The following TIA1 variants were observed in gnomAD, a reference collection of about 807,000 sequenced individuals.
TIA1 encodes the protein cytotoxic granule associated RNA binding protein TIA1.
In TIA1, 23 loss-of-function variants were observed where a neutral mutation model predicts 65.9. The ratio of observed to expected loss-of-function variants is 0.35; its 90% CI spans 0.25 to 0.49. TIA1 has a LOEUF of 0.49. TIA1 is among the 20% of genes least tolerant of loss of function. The pLI, the probability that TIA1 is intolerant of heterozygous loss-of-function variation, is 0.98. For synonymous variants in TIA1, 147 were observed against 149.4 expected (o/e 0.98, Z 0.12); for missense variants, 371 against 477.9 (o/e 0.78, Z 2.09).
At chr2:70,225,201 A>ACT in intron 6 of TIA1, 1 of 1,067,714 alleles carries the variant, frequency 9.4e-7, no homozygotes, top group South Asian at 2.5e-5. Flanking sequence ...AGACACACAC[A>ACT]AGTTTTAAGC....
At chr2:70,236,391 G>A (rs1446801799) in intron 1 of TIA1, among the ~76,000 whole-genome samples, 2 of 151,942 alleles carry the variant, frequency 1.3e-5, no homozygotes, top group Non-Finnish European at 2.9e-5. Context: ...TAGAGACGGG[G>A]TTTCTCCATG....
At position 70,209,791 on chromosome 2, in the gene TIA1, C is replaced by A. The variant is rs115130502; in HGVS notation, c.*2928G>T. Reference sequence around the variant, plus strand: ...TTTGCTTTCTTATTTCCTGTAAGTACATTTCGTTTTTCTAATTCAACTGTA... The same window carrying A: ...TTTGCTTTCTTATTTCCTGTAAGTAAATTTCGTTTTTCTAATTCAACTGTA... On this transcript the variant is annotated 3_prime_UTR_variant, in exon 13 of 13. Coordinates refer to ENST00000433529, the MANE Select transcript of TIA1 (RefSeq NM_022173.4). 1.7e-3 allele frequency: 667 copies of A among 398,108 alleles called. No homozygotes were observed. Among genetic ancestry groups the A allele is most frequent in the African/African-American group, 0.013 (612 of 48,702 alleles). The allele number at this position is 398,108 out of a possible 1,614,324, so 24.7% of individuals were successfully genotyped here. A position where few individuals can be genotyped will look rare whatever the true frequency, so the allele number is the denominator to read the frequency against.
chr2:70,217,641 C>T (rs926270276), intron 7 of TIA1, among the ~76,000 whole-genome samples: 9 of 152,130 alleles, frequency 5.9e-5, no homozygotes, highest in Non-Finnish European at 1.2e-4. Flanking sequence ...TCGTGATCCT[C>T]CCAACTCGGC....
intron 2 of TIA1, 41 bp downstream of exon 2, chr2:70,236,038 A>C: frequency 2.5e-6 from 3 of 1,219,248 alleles, no homozygotes; most frequent in Non-Finnish European, 3.5e-6. Flanking sequence ...GTAATGTGTA[A>C]AAAAAAAAAG....
chr2:70,234,893 A>G (rs575021669), intron 2 of TIA1, among the ~76,000 whole-genome samples: 1 of 152,272 alleles, frequency 6.6e-6, no homozygotes, highest in Admixed American at 6.5e-5. Flanking sequence ...AAGTAAAAAA[A>G]AGTTGAACTG....
chr2:70,235,585 T>C (rs1235014063), intron 2 of TIA1, among the ~76,000 whole-genome samples: 1 of 150,654 alleles, frequency 6.6e-6, no homozygotes, highest in Non-Finnish European at 1.5e-5. Flanking sequence ...TGTGTGTGTT[T>C]AATACATTGT....
chr2:70,235,611 T>C (rs938323364), intron 2 of TIA1, among the ~76,000 whole-genome samples: 22 of 151,088 alleles, frequency 1.5e-4, no homozygotes, highest in Admixed American at 1.4e-3. Flanking sequence ...AAATAGGAAT[T>C]GCCTAAATAC....
chr2:70,244,006 T>C (rs1693067760), intron 1 of TIA1, among the ~76,000 whole-genome samples: 2 of 152,196 alleles, frequency 1.3e-5, no homozygotes, highest in South Asian at 4.1e-4. Context: ...TCAGATAAGA[T>C]AGCCCTCATA....
intron 2 of TIA1, among the ~76,000 whole-genome samples, chr2:70,235,642 C>T (rs1484196108): frequency 6.6e-6 from 1 of 151,442 alleles, no homozygotes; most frequent in African/African-American, 2.4e-5. Flanking sequence ...TGAATGATGA[C>T]CTTTAAAAAT....
At chr2:70,231,246 A>G (rs554987845) in intron 2 of TIA1, among the ~76,000 whole-genome samples, 35 of 152,112 alleles carry the variant, frequency 2.3e-4, no homozygotes, top group African/African-American at 8.4e-4. Context: ...AGGTTGCAGT[A>G]AGCTGAGACT....
chr2:70,216,560 G>T, intron 8 of TIA1, 61 bp from the exon 9 acceptor site: 1 of 1,506,204 alleles, frequency 6.6e-7, no homozygotes. Context: ...AAAGAGAAAA[G>T]TAGCATTCAC....
rs1675950791 is a variant in TIA1 at position 70,209,560 on chromosome 2, T to C, written c.*3159A>G. On this transcript the variant is annotated 3_prime_UTR_variant, in exon 13 of 13. Transcript: ENST00000433529. ...AAAATGCAGTGACTGTAATGAAATGTAATAACCTCCTATAAAGAAACGATT... is the reference window on the plus strand; with the variant it reads ...AAAATGCAGTGACTGTAATGAAATGCAATAACCTCCTATAAAGAAACGATT... 2.5e-6 allele frequency: 1 copy of C among 398,214 alleles called. No individual in the cohort carries two copies. The highest frequency in any genetic ancestry group is 2.1e-5 in the African/African-American group (1 of 48,614). The allele number at this position is 398,214 out of a possible 1,614,324, so 24.7% of individuals were successfully genotyped here.
intron 2 of TIA1, among the ~76,000 whole-genome samples, chr2:70,234,744 T>C (rs1483217287): frequency 1.3e-5 from 2 of 152,074 alleles, no homozygotes; most frequent in African/African-American, 4.8e-5. Context: ...GTATTTTTAG[T>C]AGAGACGGGG....
In TIA1 at chr2:70,224,599, T is replaced by C. The variant is rs765698000; in HGVS notation, c.429A>G (p.Thr143=). 3.7e-6 allele frequency: 6 copies of C among 1,614,054 alleles called. No homozygotes were observed. The highest frequency in any genetic ancestry group is 5.1e-6 in the Non-Finnish European group (6 of 1,179,966). ...CAAAGCCATATCCCTTAGACTTTCCTGTTGCCATGTCTTTTACCACTCGGG... is the reference window on the plus strand; with the variant it reads ...CAAAGCCATATCCCTTAGACTTTCCCGTTGCCATGTCTTTTACCACTCGGG... ...SDARVVKDMA[T]GKSKGYGFVS... The change falls in exon 7 of 13, where the codon ACA becomes ACG. Residue 143 remains threonine, a synonymous_variant. Coordinates refer to ENST00000433529, the MANE Select transcript of TIA1 (RefSeq NM_022173.4).
At chr2:70,229,937 C>CAA (rs1338080935) in intron 3 of TIA1, among the ~76,000 whole-genome samples, 17 of 118,064 alleles carry the variant, frequency 1.4e-4, no homozygotes, top group African/African-American at 4.0e-4. Flanking sequence ...GATTCCATCT[C>CAA]AAAAAAAAAA....
At chr2:70,242,720 G>A (rs916656965) in intron 1 of TIA1, among the ~76,000 whole-genome samples, 1 of 152,208 alleles carries the variant, frequency 6.6e-6, no homozygotes, top group African/African-American at 2.4e-5. Context: ...ACAGCAGGAG[G>A]TGAGCAGCAG....
intron 2 of TIA1, among the ~76,000 whole-genome samples, chr2:70,231,977 C>T (rs1055073343): frequency 6.6e-6 from 1 of 151,512 alleles, no homozygotes; most frequent in Non-Finnish European, 1.5e-5. Context: ...CCGAGGCAGG[C>T]GGATCATGAG....
intron 8 of TIA1, 72 bp downstream of exon 8, chr2:70,216,814 G>A (rs1359814731): frequency 6.2e-7 from 1 of 1,611,026 alleles, no homozygotes; most frequent in South Asian, 1.1e-5. Flanking sequence ...TCCGGGAACA[G>A]CTCTAACATT....
intron 2 of TIA1, among the ~76,000 whole-genome samples, chr2:70,231,432 T>A (rs1686238645): frequency 6.6e-6 from 1 of 151,162 alleles, no homozygotes; most frequent in African/African-American, 2.4e-5. Flanking sequence ...ATCCTGTCTC[T>A]AAAATAATTA....
Sources: allele counts gnomAD v4.1 joint callset (sites outside exome capture counted in the v4.1 genomes callset), GRCh38; gene constraint gnomAD v4.1.1; transcripts MANE v1.5; gene names NCBI Gene and HGNC (gene_info 2026-07-23, HGNC 2026-07-21).